SMARCC1: variants seen among roughly 807,000 people sequenced by gnomAD.
The protein encoded by SMARCC1 is SWI/SNF related BAF chromatin remodeling complex subunit C1.
Under a neutral mutation model 147.4 loss-of-function variants are expected in SMARCC1, and 43 were observed. The observed-to-expected ratio is 0.29, with a 90% confidence interval of 0.23 to 0.38. The LOEUF (loss-of-function observed/expected upper bound fraction) is 0.38, where lower values mean the gene tolerates loss of function less well. SMARCC1 is among the 10% of genes least tolerant of loss of function. The pLI, the probability that SMARCC1 is intolerant of heterozygous loss-of-function variation, is 1.00. For synonymous variants in SMARCC1, 495 were observed against 484.4 expected (o/e 1.02, Z -0.29); for missense variants, 1,119 against 1,381.1 (o/e 0.81, Z 3.01).
intron 1 of SMARCC1, among the ~76,000 whole-genome samples, chr3:47,773,415 C>CAAA (rs751850101): frequency 1.4e-5 from 1 of 71,002 alleles, no homozygotes. Flanking sequence ...TGTTTTTTAC[C>CAAA]AAAAAAAAAA....
chr3:47,685,487 C>T (rs938215920), intron 14 of SMARCC1, among the ~76,000 whole-genome samples: 17 of 151,320 alleles, frequency 1.1e-4, no homozygotes, highest in African/African-American at 4.1e-4. Flanking sequence ...GAGTTAGATT[C>T]AAGCTTACAA....
At chr3:47,733,384 C>T (rs1037360839) in intron 5 of SMARCC1, among the ~76,000 whole-genome samples, 2 of 151,772 alleles carry the variant, frequency 1.3e-5, no homozygotes, top group Non-Finnish European at 2.9e-5. Context: ...GAGCTTGAGG[C>T]GAGCCTAGGG....
chr3:47,678,090 T>G, intron 16 of SMARCC1, 108 bp downstream of exon 16: 1 of 500,074 alleles, frequency 2.0e-6, no homozygotes, highest in Non-Finnish European at 3.6e-6. Context: ...TAACTAAAAT[T>G]AGGTGTTTTA....
intron 14 of SMARCC1, among the ~76,000 whole-genome samples, chr3:47,682,723 A>G (rs1180539949): frequency 6.6e-6 from 1 of 152,230 alleles, no homozygotes; most frequent in Non-Finnish European, 1.5e-5. Flanking sequence ...TTTTAAAAGT[A>G]ATTTACTGTT....
Position 47,736,282 on chromosome 3 carries a change from T to C in SMARCC1, c.484-156A>G, listed in dbSNP as rs896593807. On this transcript the variant is annotated intron_variant, in intron 4 of 27. Coordinates refer to ENST00000254480, the MANE Select transcript of SMARCC1 (RefSeq NM_003074.4). ...AAATTCAGCAACTTTTTCATTAAGA[T>C]ACCATACCAGATTGCCAGATTAATC... is the stretch of plus-strand genomic sequence containing the variant. Among the ~76,000 whole-genome samples the C allele has an allele frequency of 2.6e-5, 4 of 152,198 alleles. No homozygotes were observed. In the South Asian group the frequency reaches 6.2e-4, roughly 24 times the overall value.
chr3:47,743,241 C>G (rs561462948), intron 3 of SMARCC1, among the ~76,000 whole-genome samples: 1 of 152,278 alleles, frequency 6.6e-6, no homozygotes, highest in South Asian at 2.1e-4. Flanking sequence ...GCACTCACTT[C>G]AAGTGTGCGA....
chr3:47,588,264 G>A lies in SMARCC1; in HGVS notation c.3263C>T (p.Ala1088Val), dbSNP rs1366495946. The A allele has an allele frequency of 6.2e-7, 1 of 1,614,060 alleles. No individual in the cohort carries two copies. Among genetic ancestry groups the A allele is most frequent in the African/African-American group, 1.3e-5 (1 of 75,052 alleles). ...AGCAGGAGGCGGAGGGACCCCATCT[G>A]CAGGTGGTGGTGGCGGTGGCTGCTG... ...PQQQPPPPPP[A>V]DGVPPPPAPG... The change falls in exon 28 of 28, where the codon GCA becomes GTA. Residue 1088 changes from alanine (A) to valine (V), a missense_variant. Physicochemically the swap from Ala to Val is moderately conservative, Grantham distance 64 (BLOSUM62 0). This residue lies in a region of SMARCC1 where 186 missense variants were observed against 216.5 expected (regional missense o/e 0.86). Transcript: ENST00000254480.
At chr3:47,603,003 C>A (rs1221899002) in intron 26 of SMARCC1, among the ~76,000 whole-genome samples, 2 of 152,060 alleles carry the variant, frequency 1.3e-5, no homozygotes, top group East Asian at 1.9e-4. Flanking sequence ...ACATCCATGC[C>A]TATGGAGAGC....
chr3:47,633,785 CACACACACACACACACACA>C (rs2032931163), intron 24 of SMARCC1, among the ~76,000 whole-genome samples: 1 of 27,512 alleles, frequency 3.6e-5, no homozygotes, highest in African/African-American at 6.8e-5. Context: ...TATATACACA[CACACACACACACACACACA>C]CACACACACA....
chr3:47,620,019 T>C (rs1372103735), intron 25 of SMARCC1, among the ~76,000 whole-genome samples: 4 of 152,214 alleles, frequency 2.6e-5, no homozygotes, highest in East Asian at 1.9e-4. Context: ...TCTGGAATAA[T>C]TTCTTTTTAA....
intron 25 of SMARCC1, among the ~76,000 whole-genome samples, chr3:47,619,118 A>G (rs1287177864): frequency 1.3e-5 from 2 of 152,190 alleles, no homozygotes; most frequent in East Asian, 3.8e-4. Context: ...GTTTTCTCTG[A>G]TAACTTCTCC....
chr3:47,615,837 C>G (rs904500469), intron 25 of SMARCC1, among the ~76,000 whole-genome samples: 2 of 152,154 alleles, frequency 1.3e-5, no homozygotes, highest in Admixed American at 1.3e-4. Context: ...GTGCCCACCA[C>G]CACGCCCGCC....
At position 47,701,311 on chromosome 3, in the gene SMARCC1, G is replaced by T. The variant is rs896741917; in HGVS notation, c.1132C>A (p.Pro378Thr). 7.4e-6 allele frequency: 12 copies of T among 1,612,834 alleles called. No individual in the cohort carries two copies. The South Asian group carries it at 1.3e-4, about 18-fold the overall frequency. The stretch of plus-strand genomic sequence containing the variant: ...GGAAGTACTACTTCTTCTATATTGG[G>T]TACAGGTGTTGGGTCTTCCATATCC... ...TKDMEDPTPVPNIEEVVLPKN... is the reference protein window; with the variant it reads ...TKDMEDPTPVTNIEEVVLPKN... The change falls in exon 11 of 28, where the codon CCC becomes ACC. Residue 378 changes from proline (P) to threonine (T), a missense_variant. Pro to Thr is a conservative substitution (Grantham distance 38, BLOSUM62 -1). Coordinates refer to ENST00000254480, the MANE Select transcript of SMARCC1 (RefSeq NM_003074.4).
At chr3:47,608,950 G>T (rs1359922955) in intron 26 of SMARCC1, among the ~76,000 whole-genome samples, 6 of 150,224 alleles carry the variant, frequency 4.0e-5, no homozygotes, top group Non-Finnish European at 7.4e-5. Context: ...AAGGACATAT[G>T]ACATGACACT....
chr3:47,727,959 A>T (rs1202276367), intron 6 of SMARCC1, among the ~76,000 whole-genome samples: 1 of 151,728 alleles, frequency 6.6e-6, no homozygotes, highest in Non-Finnish European at 1.5e-5. Flanking sequence ...CAAAGGCACA[A>T]TTATCACATG....
intron 1 of SMARCC1, 119 bp downstream of exon 1, chr3:47,781,484 T>C (rs2106887792): frequency 9.5e-6 from 6 of 632,638 alleles, no homozygotes; most frequent in African/African-American, 1.9e-5. Flanking sequence ...GCCCGGCGCC[T>C]GCCTTTGTTG....
intron 2 of SMARCC1, among the ~76,000 whole-genome samples, chr3:47,756,334 G>C (rs1055995078): frequency 1.3e-5 from 2 of 152,112 alleles, no homozygotes; most frequent in African/African-American, 4.8e-5. Context: ...AGGAGTTCGA[G>C]ACCAGCCTGA....
intron 2 of SMARCC1, among the ~76,000 whole-genome samples, chr3:47,748,371 G>A (rs956036091): frequency 1.3e-5 from 2 of 151,992 alleles, no homozygotes; most frequent in Middle Eastern, 3.4e-3. Context: ...GTGCCAATAC[G>A]CCTGGCTAAT....
chr3:47,588,719 C>T (rs2032122554), intron 27 of SMARCC1, among the ~76,000 whole-genome samples: 1 of 128,912 alleles, frequency 7.8e-6, no homozygotes, highest in Non-Finnish European at 1.6e-5. Flanking sequence ...CCCCCGCCCC[C>T]ACAGTCCCTA....
Sources: allele counts gnomAD v4.1 joint callset (sites outside exome capture counted in the v4.1 genomes callset), GRCh38; gene constraint gnomAD v4.1.1; regional missense constraint gnomAD v4.1.1; transcripts MANE v1.5; gene names NCBI Gene and HGNC (gene_info 2026-07-23, HGNC 2026-07-21).